Variants in ZC3H12C observed in about 807,000 individuals in gnomAD.
The protein encoded by ZC3H12C is zinc finger CCCH-type containing 12C, also known as probable ribonuclease ZC3H12C.
In ZC3H12C, 20 loss-of-function variants were observed where a neutral mutation model predicts 76.3. The observed-to-expected ratio is 0.26, with a 90% CI of 0.18 to 0.38. ZC3H12C has a LOEUF of 0.38. Ranked by LOEUF, ZC3H12C falls within the 10% of genes least tolerant of loss-of-function variation. The pLI, the probability that ZC3H12C is intolerant of heterozygous loss-of-function variation, is 1.00. For synonymous variants in ZC3H12C, 352 were observed against 399.6 expected, an observed-to-expected ratio of 0.88 and a Z score of 1.42; for missense variants, 874 against 1,086.5, an observed-to-expected ratio of 0.80 and a Z score of 2.75.
intron 2 of ZC3H12C, among the ~76,000 whole-genome samples, chr11:110,151,161 T>G (rs1862265484): frequency 6.6e-6 from 1 of 152,222 alleles, no homozygotes; most frequent in African/African-American, 2.4e-5. Flanking sequence ...TGTTTTATCA[T>G]CTATGGAATC....
chr11:110,154,230 A>G (rs947362752), intron 3 of ZC3H12C, among the ~76,000 whole-genome samples: 49 of 152,080 alleles, frequency 3.2e-4, no homozygotes, highest in African/African-American at 1.2e-3. Flanking sequence ...AAAATTAGCC[A>G]GGTGTGGTGG....
At chr11:110,137,669 A>G (rs1373123986) in intron 2 of ZC3H12C, among the ~76,000 whole-genome samples, 1 of 152,144 alleles carries the variant, frequency 6.6e-6, no homozygotes, top group African/African-American at 2.4e-5. Context: ...CTAAATTTCT[A>G]TGGTATAAAA....
rs1197407801 is a variant in ZC3H12C at position 110,098,268 on chromosome 11, CA to C, written c.21+4840del. On this transcript the variant is annotated intron_variant, in intron 1 of 5. Transcript: ENST00000278590. The stretch of plus-strand genomic sequence containing the variant: ...AAAAGTAAAAAATTTTCTAGATAGA[CA>C]AAAGCTTATAGAATAAGGATATAAA... Among the ~76,000 whole-genome samples, 4 of 152,098 alleles carry C rather than the reference CA, an allele frequency of 2.6e-5. No individual in the cohort carries two copies. In the South Asian group the frequency reaches 6.2e-4, roughly 24 times the overall value.
intron 1 of ZC3H12C, among the ~76,000 whole-genome samples, chr11:110,096,175 C>T (rs898089202): frequency 2.0e-5 from 3 of 152,142 alleles, no homozygotes; most frequent in Admixed American, 6.5e-5. Context: ...GATGATCAAT[C>T]AAGAATGTGA....
chr11:110,165,818 G>T lies in ZC3H12C; in HGVS notation c.*81G>T. The T allele has an allele frequency of 7.6e-7, 1 of 1,312,322 alleles. No individual in the cohort carries two copies. The highest frequency in any genetic ancestry group is 1.0e-6 in the Non-Finnish European group (1 of 968,052). The allele number at this position is 1,312,322 out of a possible 1,614,324, so 81.3% of individuals were successfully genotyped here. On this transcript the variant is annotated 3_prime_UTR_variant, in exon 6 of 6. Transcript: ENST00000278590. ...GGAGGTTTGCTACAATAGCACATGT[G>T]ATCTCCTTCTCAGCAAGGAGGTTAT...
At chr11:110,111,460 G>C (rs376256489) in intron 1 of ZC3H12C, among the ~76,000 whole-genome samples, 1 of 150,894 alleles carries the variant, frequency 6.6e-6, no homozygotes, top group East Asian at 1.9e-4. Context: ...TAAAATAAAA[G>C]TCAGTAACTT....
In ZC3H12C at chr11:110,165,484, C is replaced by T. The variant is rs750615945; in HGVS notation, c.2399C>T (p.Thr800Ile). 2 of 1,613,934 alleles carry T rather than the reference C, an allele frequency of 1.2e-6. No homozygotes were observed. Among genetic ancestry groups the T allele is most frequent in the African/African-American group, 2.7e-5 (2 of 74,930 alleles). The change falls in exon 6 of 6, where the codon ACA (threonine) becomes ATA (isoleucine). Residue 800 changes from threonine (T) to isoleucine (I), a missense_variant. By Grantham distance (89) the Thr-to-Ile change is moderately conservative (BLOSUM62 -1). Around this residue, in one of 3 missense-constraint regions of ZC3H12C, gnomAD observed 395 missense variants for 434.4 expected, o/e 0.91. Transcript: ENST00000278590. ...RQTYSLPDNS[T>I]QPCYEQFTFQ... is the part of the protein sequence containing the mutation. ...ACTTATTCCTTGCCCGATAACTCCA[C>T]ACAGCCGTGTTATGAGCAGTTCACC... is the stretch of plus-strand genomic sequence containing the variant.
intron 1 of ZC3H12C, chr11:110,130,964 G>A: frequency 1.4e-6 from 2 of 1,459,964 alleles, no homozygotes; most frequent in Admixed American, 2.0e-5. Context: ...TCGGTAATAG[G>A]TTAAGCAAAG....
chr11:110,154,137 C>T (rs1388987811), intron 3 of ZC3H12C, among the ~76,000 whole-genome samples: 2 of 152,080 alleles, frequency 1.3e-5, no homozygotes, highest in Non-Finnish European at 2.9e-5. Flanking sequence ...TTTGGGAGGC[C>T]GAGGCGGGAA....
Position 110,165,421 on chromosome 11 carries a change from G to A in ZC3H12C, c.2336G>A (p.Arg779Lys), listed in dbSNP as rs1862562652. 3.1e-6 allele frequency: 5 copies of A among 1,614,038 alleles called. No homozygotes were observed. The Admixed American group carries it at 6.7e-5, about 22-fold the overall frequency. The part of the protein sequence containing the change: ...SRQEGLGSWE[R>K]PGYGIDAYGY... ...CAGGAAGGCCTGGGAAGCTGGGAGA[G>A]GCCAGGCTATGGGATCGACGCCTAT... Residue 779 changes from arginine to lysine, a missense_variant, in exon 6 of 6, where the codon AGG (arginine) becomes AAG (lysine). Physicochemically the swap from Arg to Lys is conservative, Grantham distance 26. Around this residue, in one of 3 missense-constraint regions of ZC3H12C, gnomAD observed 395 missense variants for 434.4 expected, o/e 0.91. Coordinates refer to ENST00000278590, the MANE Select transcript of ZC3H12C (RefSeq NM_033390.2).
intron 1 of ZC3H12C, among the ~76,000 whole-genome samples, chr11:110,108,602 C>G (rs999639043): frequency 1.3e-5 from 2 of 152,118 alleles, no homozygotes; most frequent in African/African-American, 4.8e-5. Context: ...AAATTTTGCT[C>G]CTGGACTCTT....
At chr11:110,098,390 A>G (rs1178823718) in intron 1 of ZC3H12C, among the ~76,000 whole-genome samples, 1 of 152,244 alleles carries the variant, frequency 6.6e-6, no homozygotes, top group African/African-American at 2.4e-5. Flanking sequence ...GAAAAAGTTT[A>G]TAAAGTAAAA....
In ZC3H12C at chr11:110,127,889, TA is replaced by T. The variant is rs879712032; in HGVS notation, c.22-8773del. 1.4e-3 allele frequency among the ~76,000 whole-genome samples: 204 copies of T among 146,022 alleles called. 1 individual carries two copies. Among genetic ancestry groups the T allele is most frequent in the Non-Finnish European group, 2.3e-3 (153 of 67,162 alleles). ...CCAGCCTGGACAACACAGTGAGACT[TA>T]CTCTCAAAAAAAAAAAAAAAGAGAT... On this transcript the variant is annotated intron_variant, in intron 1 of 5. Coordinates refer to ENST00000278590, the MANE Select transcript of ZC3H12C (RefSeq NM_033390.2).
intron 1 of ZC3H12C, among the ~76,000 whole-genome samples, chr11:110,134,732 A>G (rs899355976): frequency 6.6e-6 from 1 of 152,118 alleles, no homozygotes; most frequent in African/African-American, 2.4e-5. Flanking sequence ...AGCTAGGGGA[A>G]TTGATGTTTC....
intron 2 of ZC3H12C, among the ~76,000 whole-genome samples, chr11:110,139,413 A>G (rs1862028949): frequency 6.6e-6 from 1 of 152,208 alleles, no homozygotes; most frequent in African/African-American, 2.4e-5. Flanking sequence ...GAGGAGTGTC[A>G]AGAGTAGAGT....
intron 1 of ZC3H12C, among the ~76,000 whole-genome samples, chr11:110,135,292 C>A (rs1366084912): frequency 1.3e-5 from 2 of 151,966 alleles, no homozygotes; most frequent in Non-Finnish European, 2.9e-5. Context: ...GAGTTTGAGA[C>A]CAGCATGGCC....
chr11:110,165,188 T>G lies in ZC3H12C; in HGVS notation c.2103T>G (p.Pro701=), dbSNP rs1862556256. 6.2e-7 allele frequency: 1 copy of G among 1,613,594 alleles called. No homozygotes were observed. The highest frequency in any genetic ancestry group is 8.5e-7 in the Non-Finnish European group (1 of 1,179,848). The change falls in exon 6 of 6, where the codon CCT becomes CCG. Residue 701 remains proline, a synonymous_variant. Transcript: ENST00000278590. The stretch of plus-strand genomic sequence containing the variant: ...AAGAACCAAAGTTCCATCACAAGCC[T>G]CCTCTTCCGCACCTGGCTCTGCACC... ...SHEEPKFHHK[P]PLPHLALHLP... is the part of the protein sequence containing the mutation.
intron 1 of ZC3H12C, among the ~76,000 whole-genome samples, chr11:110,108,633 A>G (rs1172238828): frequency 6.6e-6 from 1 of 152,226 alleles, no homozygotes; most frequent in African/African-American, 2.4e-5. Context: ...CTTCCAAAAT[A>G]GTCCATCCAA....
At chr11:110,123,700 GTTT>G (rs1160523032) in intron 1 of ZC3H12C, among the ~76,000 whole-genome samples, 1 of 152,124 alleles carries the variant, frequency 6.6e-6, no homozygotes, top group Non-Finnish European at 1.5e-5. Context: ...AATTCATACA[GTTT>G]TTATTACCCT....
Sources: allele counts gnomAD v4.1 joint callset (sites outside exome capture counted in the v4.1 genomes callset), GRCh38; gene constraint gnomAD v4.1.1; regional missense constraint gnomAD v4.1.1; transcripts MANE v1.5; gene names NCBI Gene and HGNC (gene_info 2026-07-23, HGNC 2026-07-21).